Variants in GRHL1 observed in about 807,000 individuals in gnomAD.
GRHL1 encodes grainyhead like transcription factor 1.
A neutral mutation model predicts 75.7 loss-of-function variants in GRHL1; 38 were observed. The ratio of observed to expected loss-of-function variants is 0.50; its 90% CI spans 0.39 to 0.66. GRHL1 has a LOEUF of 0.66. Among genes scored for constraint, GRHL1 ranks in the 30% least tolerant of loss-of-function variants. The probability of loss-of-function intolerance (pLI) is 0.00; values close to 1 mark genes in which losing one functional copy is unlikely to be tolerated. For missense variants in GRHL1, 589 were observed against 767.5 expected (o/e 0.77, Z 2.75); for synonymous variants, 266 against 279.4 (o/e 0.95, Z 0.48).
chr2:9,999,201 G>A (rs1669159674), intron 15 of GRHL1, among the ~76,000 whole-genome samples, 172 bp downstream of exon 15: 1 of 152,166 alleles, frequency 6.6e-6, no homozygotes, highest in Admixed American at 6.5e-5. Context: ...TGTGACACGT[G>A]TGCATCGTGC....
intron 8 of GRHL1, among the ~76,000 whole-genome samples, chr2:9,975,457 A>G (rs1667907974): frequency 1.3e-5 from 2 of 152,206 alleles, no homozygotes; most frequent in Admixed American, 6.5e-5. Flanking sequence ...TTCTGAAATG[A>G]TTCAGGGGAT....
In GRHL1 at chr2:9,955,035, G is replaced by A. The variant is rs374059769; in HGVS notation, c.141G>A (p.Ala47=). The change falls in exon 2 of 16, where the codon GCG becomes GCA. Residue 47 remains alanine (A), a synonymous_variant. Coordinates refer to ENST00000324907, the MANE Select transcript of GRHL1 (RefSeq NM_198182.3). ...ACCCTCTCACTGCAGCGACCAAAGC[G>A]ATGATGAGCATCAATGGAGATGAAG... ...LENPLTAATK[A]MMSINGDEDS... The A allele has an allele frequency of 5.1e-5, 82 of 1,613,662 alleles. No individual in the cohort carries two copies. The highest frequency in any genetic ancestry group is 4.4e-4 in the South Asian group (40 of 91,076).
At chr2:9,999,302 T>C (rs1414368092) in intron 15 of GRHL1, among the ~76,000 whole-genome samples, 4 of 152,256 alleles carry the variant, frequency 2.6e-5, no homozygotes, top group Non-Finnish European at 5.9e-5. Context: ...TGATCTGCCT[T>C]GAGGAGATCT....
At position 9,968,853 on chromosome 2, in the gene GRHL1, T is replaced by A. The variant is rs1360999603; in HGVS notation, c.1110+3472T>A. Among the ~76,000 whole-genome samples, 1 of 152,170 alleles carries A rather than the reference T, an allele frequency of 6.6e-6. No individual in the cohort carries two copies. The highest frequency in any genetic ancestry group is 1.5e-5 in the Non-Finnish European group (1 of 68,028). Reference sequence around the variant, plus strand: ...TGCTGTGGACAAGGCGTGGGCTGGATCTAGGCTCCTGCCACTAGTTCCGCA... The same window carrying A: ...TGCTGTGGACAAGGCGTGGGCTGGAACTAGGCTCCTGCCACTAGTTCCGCA... On this transcript the variant is annotated intron_variant, in intron 8 of 15. Coordinates refer to ENST00000324907, the MANE Select transcript of GRHL1 (RefSeq NM_198182.3). This position sits in a 1 kb window ranked among gnomAD's most constrained non-coding sequence, Gnocchi z 4.7.
At position 9,951,720 on chromosome 2, in the gene GRHL1, C is replaced by G. The variant is rs552035405; in HGVS notation, c.-114C>G. 2.9e-4 allele frequency: 286 copies of G among 995,510 alleles called. No homozygotes were observed. The highest frequency in any genetic ancestry group is 3.7e-4 in the Non-Finnish European group (254 of 690,418). 61.7% of individuals were successfully genotyped at this position (995,510 alleles called of 1,614,324 possible). A position where few individuals can be genotyped will look rare whatever the true frequency, so the allele number is the denominator to read the frequency against. On this transcript the variant is annotated 5_prime_UTR_variant, in exon 1 of 16. Transcript: ENST00000324907. This position sits in a 1 kb window ranked among gnomAD's most constrained non-coding sequence, Gnocchi z 4.2. Reference sequence around the variant, plus strand: ...AGCGAGAAAAGCAAACCCAACCCGTCGGGGCCGCCGCTCCGGACCCGCAGC... The same window carrying G: ...AGCGAGAAAAGCAAACCCAACCCGTGGGGGCCGCCGCTCCGGACCCGCAGC...
Position 9,955,111 on chromosome 2 carries a change from C to T in GRHL1, c.207+10C>T, listed in dbSNP as rs776191184. On this transcript the variant is annotated intron_variant, in intron 2 of 15. Coordinates refer to ENST00000324907, the MANE Select transcript of GRHL1 (RefSeq NM_198182.3). Reference sequence around the variant, plus strand: ...CTATGACTACTACAAGGTGGGTTTGCCTGCCTTTAAAACCCTTAACAGCAG... The same window carrying T: ...CTATGACTACTACAAGGTGGGTTTGTCTGCCTTTAAAACCCTTAACAGCAG... 3 of 1,595,876 alleles carry T rather than the reference C, an allele frequency of 1.9e-6. No homozygotes were observed. In the East Asian group the frequency reaches 6.7e-5, roughly 36 times the overall value.
At chr2:9,954,107 C>G (rs1226381455) in intron 1 of GRHL1, among the ~76,000 whole-genome samples, 1 of 152,154 alleles carries the variant, frequency 6.6e-6, no homozygotes, top group Non-Finnish European at 1.5e-5. Flanking sequence ...ATTTTTCCCA[C>G]CAAACTACAG....
At chr2:9,999,661 C>T (rs1163276326) in intron 15 of GRHL1, among the ~76,000 whole-genome samples, 1 of 152,210 alleles carries the variant, frequency 6.6e-6, no homozygotes, top group Non-Finnish European at 1.5e-5. Context: ...CAAGTTATGT[C>T]ACGTTGCTGC....
intron 8 of GRHL1, among the ~76,000 whole-genome samples, chr2:9,984,324 G>T (rs1264559378): frequency 1.3e-5 from 2 of 151,506 alleles, no homozygotes; most frequent in Non-Finnish European, 2.9e-5. Flanking sequence ...CAGCTCACGG[G>T]GTTGAAGGGT....
intron 2 of GRHL1, among the ~76,000 whole-genome samples, chr2:9,955,325 C>T (rs569317224): frequency 6.6e-6 from 1 of 152,334 alleles, no homozygotes; most frequent in African/African-American, 2.4e-5. Flanking sequence ...GCTGCTGTGG[C>T]TCTATCCAGA....
At chr2:9,979,342 C>G (rs1210780295) in intron 8 of GRHL1, among the ~76,000 whole-genome samples, 1 of 151,498 alleles carries the variant, frequency 6.6e-6, no homozygotes. Flanking sequence ...TCAAGCCATA[C>G]TCCCGCCTTG....
chr2:9,960,706 G>T lies in GRHL1; in HGVS notation c.279-340G>T, dbSNP rs77029659. 2.4e-3 allele frequency: 470 copies of T among 195,724 alleles called. 12 individuals carry two copies. In the East Asian group the frequency reaches 0.047, roughly 20 times the overall value. 12.1% of individuals were successfully genotyped at this position (195,724 alleles called of 1,614,324 possible). On this transcript the variant is annotated intron_variant, in intron 3 of 15. Transcript: ENST00000324907. ...CTTGAACCCAGGCAATTTGACCCTG[G>T]CGTCTATGCTGTAACCCCAGTTGAT...
chr2:9,998,795 C>CACACATATATATACGTATATATATGT (rs1669102530), intron 14 of GRHL1, among the ~76,000 whole-genome samples, 170 bp from the exon 15 acceptor site: 1 of 31,374 alleles, frequency 3.2e-5, no homozygotes, highest in Non-Finnish European at 5.6e-5. Flanking sequence ...TATATATGTA[C>CACACATATATATACGTATATATATGT]ACACATATAT....
chr2:9,958,174 C>CTTTTT (rs61051898), intron 2 of GRHL1, among the ~76,000 whole-genome samples: 1 of 130,762 alleles, frequency 7.6e-6, no homozygotes, highest in African/African-American at 2.9e-5. Context: ...TTCTTTTTTT[C>CTTTTT]TTTTTTTTTT....
rs1668602772 is a variant in GRHL1, at chr2:9,990,757, C to T, written c.1321+10C>T. 2 of 1,608,438 alleles carry T rather than the reference C, an allele frequency of 1.2e-6. No individual in the cohort carries two copies. The highest frequency in any genetic ancestry group is 1.7e-5 in the Admixed American group (1 of 59,650). ...CAAAGCAAAAGAAAAGGCAAGTGTC[C>T]TGACCCCAGCTCCCAGGTGAATGCC... On this transcript the variant is annotated intron_variant, in intron 10 of 15. Transcript: ENST00000324907. This position sits in a 1 kb window ranked among gnomAD's most constrained non-coding sequence, Gnocchi z 4.2.
chr2:9,956,405 C>T (rs2125202974), intron 2 of GRHL1, among the ~76,000 whole-genome samples: 1 of 152,176 alleles, frequency 6.6e-6, no homozygotes, highest in Non-Finnish European at 1.5e-5. Context: ...CCTATAGTCT[C>T]AGCTACTTAG....
rs753128132 is a variant in GRHL1, at chr2:9,999,049, T to C, written c.1742+20T>C. On this transcript the variant is annotated intron_variant, in intron 15 of 15. Transcript: ENST00000324907. ...AAAGGGGTAAGCAGCCACTGCGTCC[T>C]GTGTACCTCGGAAAGTGCTGATGCC... 1.4e-6 allele frequency: 2 copies of C among 1,452,580 alleles called. No individual in the cohort carries two copies. The allele number at this position is 1,452,580 out of a possible 1,614,324, so 90.0% of individuals were successfully genotyped here. A position where few individuals can be genotyped will look rare whatever the true frequency, so the allele number is the denominator to read the frequency against.
rs771743850 is a variant in GRHL1, at chr2:9,961,471, C to T, written c.669+35C>T. ...CAAAAACATCTTCCTAAGACGCCTG[C>T]GTGTTTGTATAAGTATTGGGTTCCA... On this transcript the variant is annotated intron_variant, in intron 4 of 15. Coordinates refer to ENST00000324907, the MANE Select transcript of GRHL1 (RefSeq NM_198182.3). 11 of 1,558,862 alleles carry T rather than the reference C, an allele frequency of 7.1e-6. No homozygotes were observed. The East Asian group carries it at 1.4e-4, about 19-fold the overall frequency.
chr2:9,995,943 C>T lies in GRHL1; in HGVS notation c.1564C>T (p.Leu522=). ...CTTTGCTGTCCCTCCTTCTACCAAG[C>T]TGGCCCGGATAGAAGAACCAAAGAG... ...DDFAVPPSTK[L]ARIEEPKRVL... The change falls in exon 13 of 16, where the codon CTG becomes TTG. Residue 522 remains leucine, a synonymous_variant. Transcript: ENST00000324907. The T allele has an allele frequency of 6.2e-7, 1 of 1,610,810 alleles. No individual in the cohort carries two copies. The highest frequency in any genetic ancestry group is 2.2e-5 in the East Asian group (1 of 44,882).
Sources: allele counts gnomAD v4.1 joint callset (sites outside exome capture counted in the v4.1 genomes callset), GRCh38; gene constraint gnomAD v4.1.1; non-coding constraint Gnocchi (gnomAD v3.1); transcripts MANE v1.5; gene names NCBI Gene and HGNC (gene_info 2026-07-23, HGNC 2026-07-21).